Variants in KMT2A observed in about 807,000 individuals in gnomAD.
The protein encoded by KMT2A is histone-lysine N-methyltransferase 2A.
KMT2A carries 16 observed loss-of-function variants against 345.3 expected under a neutral mutation model. The observed-to-expected ratio is 0.05, with a 90% CI of 0.03 to 0.07. The LOEUF (loss-of-function observed/expected upper bound fraction) is 0.07, where lower values mean the gene tolerates loss of function less well. Among genes scored for constraint, KMT2A ranks in the 10% least tolerant of loss-of-function variants. The probability of loss-of-function intolerance (pLI) is 1.00; values close to 1 mark genes in which losing one functional copy is unlikely to be tolerated. For missense variants in KMT2A, 3,272 were observed against 4,841.6 expected, an observed-to-expected ratio of 0.68 and a Z score of 9.62; for synonymous variants, 1,599 against 1,778.6, an observed-to-expected ratio of 0.90 and a Z score of 2.54.
chr11:118,452,828 T>G (rs1949568110), intron 1 of KMT2A, among the ~76,000 whole-genome samples: 1 of 151,996 alleles, frequency 6.6e-6, no homozygotes, highest in Admixed American at 6.6e-5. Context: ...GAGATGGGGT[T>G]TCACCATATT....
intron 23 of KMT2A, 46 bp from the exon 24 acceptor site, chr11:118,499,789 A>G: frequency 3.6e-6 from 5 of 1,407,280 alleles, no homozygotes; most frequent in South Asian, 1.2e-5. Context: ...AAAAAATAAA[A>G]TGACGCTCAT....
chr11:118,488,397 C>A, intron 10 of KMT2A: 2 of 576,980 alleles, frequency 3.5e-6, no homozygotes, highest in Non-Finnish European at 3.2e-6. Flanking sequence ...TATTTTGTTA[C>A]TTTCTATTTC....
chr11:118,463,158 A>C (rs534030002), intron 1 of KMT2A, among the ~76,000 whole-genome samples: 3 of 149,836 alleles, frequency 2.0e-5, no homozygotes, highest in Admixed American at 1.3e-4. Context: ...GGGTCTTGCT[A>C]TGTTGCCCAG....
chr11:118,520,132 C>A lies in KMT2A; in HGVS notation c.11429+68C>A, dbSNP rs940023746. 4.9e-6 allele frequency: 5 copies of A among 1,022,250 alleles called. No homozygotes were observed. The highest frequency in any genetic ancestry group is 7.4e-6 in the Non-Finnish European group (5 of 674,048). The allele number at this position is 1,022,250 out of a possible 1,614,324, so 63.3% of individuals were successfully genotyped here. ...TCTCCTCCAGCTGGTCAGGGCACTA[C>A]GTAGGAATTTGTTTGCATCAGAATT... On this transcript the variant is annotated intron_variant, in intron 33 of 35. Coordinates refer to ENST00000534358, the MANE Select transcript of KMT2A (RefSeq NM_001197104.2). This position sits in a 1 kb window ranked among gnomAD's most constrained non-coding sequence, Gnocchi z 4.3.
At position 118,521,360 on chromosome 11, in the gene KMT2A, C is replaced by T. The variant is rs200576371; in HGVS notation, c.11586C>T (p.Ala3862=). ...CAGGTGAGATGGTGATTGAGTATGC[C>T]GGCAACGTCATCCGCTCCATCCAGA... is the stretch of plus-strand genomic sequence containing the variant. ...IDAGEMVIEY[A]GNVIRSIQTD... is the part of the protein sequence containing the mutation. Residue 3862 remains alanine, a synonymous_variant, in exon 35 of 36, where the codon GCC becomes GCT. Transcript: ENST00000534358. This position sits in a 1 kb window ranked among gnomAD's most constrained non-coding sequence, Gnocchi z 5.3. 244 of 1,613,998 alleles carry T rather than the reference C, an allele frequency of 1.5e-4. No homozygotes were observed. The highest frequency in any genetic ancestry group is 3.2e-4 in the Admixed American group (19 of 60,000).
Position 118,472,177 on chromosome 11 carries a change from C to T in KMT2A, c.1018C>T (p.Leu340Phe), listed in dbSNP as rs1458108170. The T allele has an allele frequency of 1.9e-6, 3 of 1,613,922 alleles. No homozygotes were observed. The highest frequency in any genetic ancestry group is 2.5e-6 in the Non-Finnish European group (3 of 1,179,994). The change falls in exon 3 of 36, where the codon CTT (leucine) becomes TTT (phenylalanine). Residue 340 changes from leucine to phenylalanine, a missense_variant. Coordinates refer to ENST00000534358, the MANE Select transcript of KMT2A (RefSeq NM_001197104.2). ...GAAAGACAAGGAAGGAACACCTCCACTTACAAAAGAAGATAAGACAGTTGT... is the reference window on the plus strand; with the variant it reads ...GAAAGACAAGGAAGGAACACCTCCATTTACAAAAGAAGATAAGACAGTTGT... ...VRKDKEGTPP[L>F]TKEDKTVVRQ...
chr11:118,486,414 T>TACCA (rs1438627160), intron 10 of KMT2A, among the ~76,000 whole-genome samples: 1 of 151,780 alleles, frequency 6.6e-6, no homozygotes, highest in African/African-American at 2.4e-5. Context: ...TTGCAGTATG[T>TACCA]ACCACCTTTA....
Position 118,526,249 on chromosome 11 carries a change from A to G in KMT2A, c.*4077A>G, listed in dbSNP as rs1344073470. On this transcript the variant is annotated 3_prime_UTR_variant, in exon 36 of 36. Coordinates refer to ENST00000534358, the MANE Select transcript of KMT2A (RefSeq NM_001197104.2). The stretch of plus-strand genomic sequence containing the variant: ...TTTTTTTCTGCCCATGAATGTTGCC[A>G]GTCAGTACCTGTCCTCCTTGTTTCT... 4.5e-6 allele frequency: 1 copy of G among 219,834 alleles called. No individual in the cohort carries two copies. Among genetic ancestry groups the G allele is most frequent in the Non-Finnish European group, 9.1e-6 (1 of 109,686 alleles). The allele number at this position is 219,834 out of a possible 1,614,324, so 13.6% of individuals were successfully genotyped here.
At chr11:118,486,684 G>A (rs1027927868) in intron 10 of KMT2A, among the ~76,000 whole-genome samples, 1 of 151,894 alleles carries the variant, frequency 6.6e-6, no homozygotes, top group Non-Finnish European at 1.5e-5. Flanking sequence ...ACCAGCCTGA[G>A]CACCATAGTG....
At chr11:118,481,314 A>C (rs1393383955) in intron 6 of KMT2A, among the ~76,000 whole-genome samples, 6 of 151,934 alleles carry the variant, frequency 3.9e-5, no homozygotes, top group Admixed American at 3.9e-4. Context: ...CAATTGTTTT[A>C]ATTTTTAGCT....
intron 1 of KMT2A, among the ~76,000 whole-genome samples, chr11:118,459,258 G>C (rs1264648347): frequency 4.6e-5 from 7 of 152,064 alleles, no homozygotes; most frequent in African/African-American, 1.4e-4. Context: ...GGTAGAGACA[G>C]GGTTTCACCA....
At chr11:118,443,322 T>C (rs1449247485) in intron 1 of KMT2A, among the ~76,000 whole-genome samples, 4 of 152,222 alleles carry the variant, frequency 2.6e-5, no homozygotes, top group African/African-American at 4.8e-5. Flanking sequence ...TGGTTCTTTA[T>C]GTTTTTAAAA....
In KMT2A at chr11:118,494,562, C is replaced by T. The variant is rs1555043409; in HGVS notation, c.5290-132C>T. ...TTTGAGAGGAACTTGGTGAGGTTGC[C>T]AGAGTGGATGGATCTTTCTCTTGGT... On this transcript the variant is annotated intron_variant, in intron 17 of 35. Coordinates refer to ENST00000534358, the MANE Select transcript of KMT2A (RefSeq NM_001197104.2). This position sits in a 1 kb window ranked among gnomAD's most constrained non-coding sequence, Gnocchi z 5.8. The T allele has an allele frequency of 6.7e-6, 6 of 900,444 alleles. No homozygotes were observed. The highest frequency in any genetic ancestry group is 1.0e-5 in the Non-Finnish European group (6 of 577,736). 55.8% of individuals were successfully genotyped at this position (900,444 alleles called of 1,614,324 possible).
chr11:118,447,417 G>A lies in KMT2A; in HGVS notation c.432+10473G>A, dbSNP rs1222489009. Among the ~76,000 whole-genome samples the A allele has an allele frequency of 3.3e-5, 5 of 152,254 alleles. No individual in the cohort carries two copies. In the East Asian group the frequency reaches 7.7e-4, roughly 24 times the overall value. On this transcript the variant is annotated intron_variant, in intron 1 of 35. Transcript: ENST00000534358. ...ATAAACTAGGAGAACTTAAGACTAC[G>A]AACAGAATATTTGGACTAATCATTA... is the stretch of plus-strand genomic sequence containing the variant.
At position 118,521,223 on chromosome 11, in the gene KMT2A, T is replaced by TG; in HGVS notation, c.11514-64dup. ...CTAACAGACCAGGAGAACTTATTCATGTATTCACGCACTTAACCTTACTTG... is the reference window on the plus strand; with the variant it reads ...CTAACAGACCAGGAGAACTTATTCATGGTATTCACGCACTTAACCTTACTTG... On this transcript the variant is annotated intron_variant, in intron 34 of 35. Coordinates refer to ENST00000534358, the MANE Select transcript of KMT2A (RefSeq NM_001197104.2). This position sits in a 1 kb window ranked among gnomAD's most constrained non-coding sequence, Gnocchi z 5.3. 6.5e-7 allele frequency: 1 copy of TG among 1,542,942 alleles called. No homozygotes were observed. Among genetic ancestry groups the TG allele is most frequent in the Admixed American group, 1.7e-5 (1 of 57,930 alleles).
chr11:118,499,958 C>A, intron 24 of KMT2A, 45 bp downstream of exon 24: 2 of 1,276,540 alleles, frequency 1.6e-6, no homozygotes, highest in Non-Finnish European at 2.3e-6. Flanking sequence ...ACAACCTGAA[C>A]ACACTGAAGC....
intron 28 of KMT2A, chr11:118,507,888 A>G (rs1050959424): frequency 6.8e-5 from 21 of 310,386 alleles, no homozygotes; most frequent in South Asian, 1.2e-4. Context: ...GCGTGAACCC[A>G]GGAGGCGGAG....
chr11:118,482,033 A>T lies in KMT2A; in HGVS notation c.3953A>T (p.Glu1318Val). Reference protein sequence around the residue: ...QPPTTGPPRKEVPKTTPSEPK... With the variant: ...QPPTTGPPRKVVPKTTPSEPK... ...CCTACTACAGGACCGCCAAGAAAAG[A>T]AGTTCCCAAAACCACTCCTAGTGAG... Residue 1318 changes from glutamate to valine, a missense_variant, in exon 7 of 36, where the codon GAA (glutamate) becomes GTA (valine). Around this residue, in one of 27 missense-constraint regions of KMT2A, gnomAD observed 168 missense variants for 216.0 expected, o/e 0.78. Coordinates refer to ENST00000534358, the MANE Select transcript of KMT2A (RefSeq NM_001197104.2). 1 of 1,614,096 alleles carries T rather than the reference A, an allele frequency of 6.2e-7. No individual in the cohort carries two copies.
rs1950187776 is a variant in KMT2A at position 118,484,017 on chromosome 11, G to A, written c.4087-166G>A. On this transcript the variant is annotated intron_variant, in intron 8 of 35. Coordinates refer to ENST00000534358, the MANE Select transcript of KMT2A (RefSeq NM_001197104.2). This position sits in a 1 kb window ranked among gnomAD's most constrained non-coding sequence, Gnocchi z 4.1. ...ACTGTATTGCAGCCTAGGCAACAAA[G>A]CAAGACCCAGTCTCTTTTAAAAAAA... Among the ~76,000 whole-genome samples the A allele has an allele frequency of 6.6e-6, 1 of 152,082 alleles. No homozygotes were observed. Among genetic ancestry groups the A allele is most frequent in the Non-Finnish European group, 1.5e-5 (1 of 68,012 alleles).
Sources: gnomAD v4.1 joint callset for allele counts (sites outside exome capture counted in the v4.1 genomes callset) on GRCh38, gnomAD v4.1.1 for gene constraint, gnomAD v4.1.1 regional missense constraint, Gnocchi (gnomAD v3.1) non-coding constraint, MANE v1.5 for transcripts, NCBI Gene and HGNC (gene_info 2026-07-23, HGNC 2026-07-21) for gene names.